The following SYNPR variants were observed in gnomAD, a reference collection of about 807,000 sequenced individuals.
SYNPR encodes synaptoporin.
In SYNPR, 23 loss-of-function variants were observed where a neutral mutation model predicts 32.9. That is an observed-to-expected ratio of 0.70 (90% CI 0.50 to 0.99). The LOEUF (loss-of-function observed/expected upper bound fraction) is 0.99, where lower values mean the gene tolerates loss of function less well. SYNPR is among the 50% of genes least tolerant of loss of function. The pLI is 0.00. For missense variants in SYNPR, 318 were observed against 349.3 expected (o/e 0.91, Z 0.71); for synonymous variants, 146 against 135.9 (o/e 1.07, Z -0.52).
At chr3:63,262,370 C>G (rs2106901496) in intron 2 of SYNPR, among the ~76,000 whole-genome samples, 1 of 152,248 alleles carries the variant, frequency 6.6e-6, no homozygotes, top group East Asian at 1.9e-4. Flanking sequence ...AATCATTGCT[C>G]TGAGGCCCAA....
At chr3:63,248,128 A>T (rs1016482014) in intron 1 of SYNPR, among the ~76,000 whole-genome samples, 3 of 152,120 alleles carry the variant, frequency 2.0e-5, no homozygotes, top group Non-Finnish European at 4.4e-5. Flanking sequence ...GTCTGTTCCA[A>T]GAAATGCCAC....
At chr3:63,431,121 A>C (rs1699985623) in intron 2 of SYNPR, among the ~76,000 whole-genome samples, 1 of 152,182 alleles carries the variant, frequency 6.6e-6, no homozygotes, top group African/African-American at 2.4e-5. Flanking sequence ...TGTATTTAAT[A>C]ATGTTGGCTC....
chr3:63,375,962 C>T (rs999760412), intron 2 of SYNPR, among the ~76,000 whole-genome samples: 1 of 152,066 alleles, frequency 6.6e-6, no homozygotes, highest in African/African-American at 2.4e-5. Context: ...CTCCAGTATT[C>T]TTCTGCTGTC....
intron 2 of SYNPR, among the ~76,000 whole-genome samples, chr3:63,323,546 A>G (rs552805613): frequency 6.6e-6 from 1 of 152,016 alleles, no homozygotes; most frequent in Non-Finnish European, 1.5e-5. Context: ...CTCCCCAAAT[A>G]ATTTTTTTTT....
At chr3:63,299,566 C>T (rs115174253) in intron 2 of SYNPR, among the ~76,000 whole-genome samples, 432 of 152,182 alleles carry the variant, frequency 2.8e-3, no homozygotes, top group Non-Finnish European at 5.0e-3. Flanking sequence ...TCACCTATCA[C>T]GTGGTTCAGC....
chr3:63,305,022 G>A (rs2086897157), intron 2 of SYNPR, among the ~76,000 whole-genome samples: 1 of 151,954 alleles, frequency 6.6e-6, no homozygotes, highest in Non-Finnish European at 1.5e-5. Context: ...AGAATGACAT[G>A]TAGTAGCTAC....
intron 2 of SYNPR, among the ~76,000 whole-genome samples, chr3:63,435,858 T>C (rs1700075023): frequency 6.6e-6 from 1 of 152,174 alleles, no homozygotes; most frequent in African/African-American, 2.4e-5. Context: ...TATGTCAGAG[T>C]AATTCAGCAT....
chr3:63,494,460 C>CGTATATAT (rs1559516410), intron 3 of SYNPR, among the ~76,000 whole-genome samples: 23 of 77,270 alleles, frequency 3.0e-4, no homozygotes, highest in African/African-American at 1.0e-3. Context: ...CATATATATA[C>CGTATATAT]ATATATACAC....
Position 63,553,019 on chromosome 3 carries a change from T to A in SYNPR, c.210-3524T>A, listed in dbSNP as rs114247398. Among the ~76,000 whole-genome samples, 544 of 152,236 alleles carry A rather than the reference T, an allele frequency of 3.6e-3. 3 individuals carry two copies. Among genetic ancestry groups the A allele is most frequent in the African/African-American group, 0.013 (527 of 41,516 alleles). On this transcript the variant is annotated intron_variant, in intron 3 of 5. Coordinates refer to ENST00000478300, the MANE Select transcript of SYNPR (RefSeq NM_001130003.2). ...AGATATGGGGGTACATGTGCAGGTG[T>A]GTTACATGGGAATATTGCACCCAGG...
At chr3:63,577,527 T>C (rs1001503928) in intron 4 of SYNPR, among the ~76,000 whole-genome samples, 1 of 152,080 alleles carries the variant, frequency 6.6e-6, no homozygotes, top group South Asian at 2.1e-4. Flanking sequence ...TGTGGGCTTC[T>C]AGGGGCAAAT....
chr3:63,292,543 A>G (rs1287598554), intron 2 of SYNPR, among the ~76,000 whole-genome samples: 2 of 152,234 alleles, frequency 1.3e-5, no homozygotes, highest in African/African-American at 4.8e-5. Flanking sequence ...GACCTTGGAC[A>G]CATTACTTAA....
At chr3:63,377,782 C>T (rs577072493) in intron 2 of SYNPR, among the ~76,000 whole-genome samples, 1 of 151,824 alleles carries the variant, frequency 6.6e-6, no homozygotes, top group South Asian at 2.1e-4. Flanking sequence ...CCTCTTACTG[C>T]CAAGTTGAAT....
Position 63,431,338 on chromosome 3 carries a change from G to A in SYNPR, c.85-49494G>A, listed in dbSNP as rs548232256. Among the ~76,000 whole-genome samples, 220 of 152,252 alleles carry A rather than the reference G, an allele frequency of 1.4e-3. 1 individual carries two copies. The highest frequency in any genetic ancestry group is 5.1e-3 in the Admixed American group (78 of 15,294). ...GAATATTTCTTCCACAATCAAGTGC[G>A]CAGGGTTTGAAGTTAAATCAGGTGT... On this transcript the variant is annotated intron_variant, in intron 2 of 5. Coordinates refer to ENST00000478300, the MANE Select transcript of SYNPR (RefSeq NM_001130003.2).
chr3:63,404,601 C>T (rs1296047388), intron 2 of SYNPR, among the ~76,000 whole-genome samples: 1 of 152,042 alleles, frequency 6.6e-6, no homozygotes, highest in East Asian at 1.9e-4. Context: ...TAATTACATG[C>T]TTTTTATTCA....
chr3:63,552,650 A>G (rs116541731), intron 3 of SYNPR, among the ~76,000 whole-genome samples: 1,940 of 152,294 alleles, frequency 0.013, 19 homozygotes, highest in Middle Eastern at 0.044. Context: ...AGGAATATGC[A>G]TTTTAAACAT....
At chr3:63,278,828 T>A in intron 2 of SYNPR, 86 bp downstream of exon 2, 1 of 1,403,688 alleles carries the variant, frequency 7.1e-7, no homozygotes, top group Non-Finnish European at 9.7e-7. Context: ...CCCTGCTCAG[T>A]TCTGCTCCAA....
At chr3:63,507,047 C>T (rs965869656) in intron 3 of SYNPR, among the ~76,000 whole-genome samples, 3 of 151,582 alleles carry the variant, frequency 2.0e-5, no homozygotes, top group South Asian at 2.1e-4. Context: ...AAATGATGGC[C>T]GAGGTGGGAG....
intron 2 of SYNPR, among the ~76,000 whole-genome samples, chr3:63,397,538 T>C (rs562082208): frequency 6.6e-6 from 1 of 152,314 alleles, no homozygotes; most frequent in South Asian, 2.1e-4. Context: ...GAGAAACTCC[T>C]GGACCCAGAG....
rs749422774 is a variant in SYNPR at position 63,511,692 on chromosome 3, C to T, written c.209+30736C>T. ...GCCCCATCTGAGTAGCTTTTCTTAA[C>T]GGATAAATTATGTTTTCAGGGCCTA... is the stretch of plus-strand genomic sequence containing the variant. On this transcript the variant is annotated intron_variant, in intron 3 of 5. Coordinates refer to ENST00000478300, the MANE Select transcript of SYNPR (RefSeq NM_001130003.2). 5.1e-4 allele frequency among the ~76,000 whole-genome samples: 77 copies of T among 152,088 alleles called. 1 individual carries two copies. The highest frequency in any genetic ancestry group is 1.4e-3 in the Admixed American group (21 of 15,254).
Sources: allele counts gnomAD v4.1 joint callset (sites outside exome capture counted in the v4.1 genomes callset), GRCh38; gene constraint gnomAD v4.1.1; transcripts MANE v1.5; gene names NCBI Gene and HGNC (gene_info 2026-07-23, HGNC 2026-07-21).